Variants in PARP12 observed in about 807,000 individuals in gnomAD.
The protein encoded by PARP12 is poly(ADP-ribose) polymerase family member 12, also known as protein mono-ADP-ribosyltransferase PARP12.
In PARP12, 59 loss-of-function variants were observed where a neutral mutation model predicts 72.4. The ratio of observed to expected loss-of-function variants is 0.81; its 90% confidence interval spans 0.66 to 1.01. The LOEUF (loss-of-function observed/expected upper bound fraction) is 1.01, where lower values mean the gene tolerates loss of function less well. Among genes scored for constraint, PARP12 ranks in the 50% least tolerant of loss-of-function variants. The pLI is 0.00. For missense variants in PARP12, 851 were observed against 914.0 expected, an observed-to-expected ratio of 0.93 and a Z score of 0.89; for synonymous variants, 403 against 371.4, an observed-to-expected ratio of 1.09 and a Z score of -0.98.
chr7:140,046,713 T>C (rs879107570), intron 5 of PARP12, among the ~76,000 whole-genome samples, 171 bp downstream of exon 5: 72 of 139,956 alleles, frequency 5.1e-4, no homozygotes, highest in African/African-American at 2.0e-3. Flanking sequence ...CCAGACTAGG[T>C]GGCTCACAGT....
rs1816487746 is a variant in PARP12, at chr7:140,041,848, G to GA, written c.987-10dup. The GA allele has an allele frequency of 1.2e-6, 2 of 1,603,580 alleles. No individual in the cohort carries two copies. The highest frequency in any genetic ancestry group is 2.2e-5 in the East Asian group (1 of 44,738). On this transcript the variant is annotated splice_polypyrimidine_tract_variant and intron_variant, in intron 5 of 11. Coordinates refer to ENST00000263549, the MANE Select transcript of PARP12 (RefSeq NM_022750.4). ...ACTCAGAGCACAGGATCCTACAGAAGAAAAACAGCAGCAGACTGAAAATCC... is the reference window on the plus strand; with the variant it reads ...ACTCAGAGCACAGGATCCTACAGAAGAAAAAACAGCAGCAGACTGAAAATCC...
At chr7:140,035,540 G>A (rs1001817213) in intron 7 of PARP12, among the ~76,000 whole-genome samples, 13 of 152,170 alleles carry the variant, frequency 8.5e-5, no homozygotes, top group Admixed American at 4.6e-4. Context: ...ATTCTGCCCC[G>A]TCAGACACCA....
At position 140,062,926 on chromosome 7, in the gene PARP12, G is replaced by A. The variant is rs1817538920; in HGVS notation, c.-79C>T. The A allele has an allele frequency of 5.3e-6, 6 of 1,139,510 alleles. No homozygotes were observed. The highest frequency in any genetic ancestry group is 6.6e-6 in the Non-Finnish European group (6 of 911,950). The allele number at this position is 1,139,510 out of a possible 1,614,324, so 70.6% of individuals were successfully genotyped here. A position where few individuals can be genotyped will look rare whatever the true frequency, so the allele number is the denominator to read the frequency against. ...GGACGCTGGCTGGCGGGCGGCTCTC[G>A]CAGGGTGGAGACGCCGGCGGGAAAC... On this transcript the variant is annotated 5_prime_UTR_variant, in exon 1 of 12. Coordinates refer to ENST00000263549, the MANE Select transcript of PARP12 (RefSeq NM_022750.4).
chr7:140,052,633 T>C (rs1004425251), intron 4 of PARP12, among the ~76,000 whole-genome samples: 3 of 152,176 alleles, frequency 2.0e-5, no homozygotes, highest in African/African-American at 7.2e-5. Flanking sequence ...AGATATGTTA[T>C]TACAAGTTAG....
chr7:140,042,981 G>T (rs1309069605), intron 5 of PARP12, among the ~76,000 whole-genome samples: 2 of 152,162 alleles, frequency 1.3e-5, no homozygotes, highest in Non-Finnish European at 2.9e-5. Flanking sequence ...GGATCATGAG[G>T]TCAGGAGATC....
At chr7:140,026,769 G>A (rs1200775692) in intron 10 of PARP12, among the ~76,000 whole-genome samples, 1 of 152,088 alleles carries the variant, frequency 6.6e-6, no homozygotes, top group Non-Finnish European at 1.5e-5. Flanking sequence ...ACTGTGCACA[G>A]AGTACACATT....
intron 5 of PARP12, among the ~76,000 whole-genome samples, chr7:140,043,066 C>T (rs1394363485): frequency 2.6e-5 from 4 of 152,126 alleles, no homozygotes; most frequent in African/African-American, 7.2e-5. Context: ...TGGTGGCGGG[C>T]ACCTGTAGTC....
intron 1 of PARP12, among the ~76,000 whole-genome samples, chr7:140,058,543 G>A (rs1026562344): frequency 1.3e-5 from 2 of 151,850 alleles, no homozygotes; most frequent in African/African-American, 4.8e-5. Context: ...CACACACAGA[G>A]GGAAGACCAT....
chr7:140,055,490 T>C (rs1817142009), intron 3 of PARP12, among the ~76,000 whole-genome samples: 1 of 152,208 alleles, frequency 6.6e-6, no homozygotes, highest in South Asian at 2.1e-4. Context: ...AATGAGCACA[T>C]AAAATTAATT....
In PARP12 at chr7:140,062,665, G is replaced by T. The variant is rs1323555599; in HGVS notation, c.183C>A (p.Ala61=). The T allele has an allele frequency of 1.5e-6, 2 of 1,292,784 alleles. No individual in the cohort carries two copies. The highest frequency in any genetic ancestry group is 2.0e-6 in the Non-Finnish European group (2 of 1,023,676). The allele number at this position is 1,292,784 out of a possible 1,614,324, so 80.1% of individuals were successfully genotyped here. The change falls in exon 1 of 12, where the codon GCC becomes GCA. Residue 61 remains alanine, a synonymous_variant. Transcript: ENST00000263549. ...AGGCGGCCAGCACCACGCGCTCCGG[G>T]GCCGCGGCTGCGCCGCCCGCCCGCA... The part of the protein sequence containing the change: ...VAVRAGGAAA[A]PERVVLAASP...
chr7:140,037,228 G>A (rs886957390), intron 7 of PARP12, among the ~76,000 whole-genome samples: 4 of 152,234 alleles, frequency 2.6e-5, no homozygotes, highest in Non-Finnish European at 5.9e-5. Flanking sequence ...GGAGGCTGAA[G>A]CACGAGAATC....
chr7:140,030,176 G>A (rs1009689314), intron 8 of PARP12, among the ~76,000 whole-genome samples: 47 of 152,162 alleles, frequency 3.1e-4, no homozygotes, highest in African/African-American at 9.4e-4. Context: ...AGACCAACAG[G>A]CAATTTCTCA....
chr7:140,040,610 G>A (rs1816423978), intron 6 of PARP12, among the ~76,000 whole-genome samples: 1 of 152,202 alleles, frequency 6.6e-6, no homozygotes, highest in Admixed American at 6.5e-5. Context: ...TGCCCTCATG[G>A]AGCTTACATT....
At chr7:140,054,268 C>T (rs1209899810) in intron 4 of PARP12, among the ~76,000 whole-genome samples, 1 of 152,172 alleles carries the variant, frequency 6.6e-6, no homozygotes, top group Non-Finnish European at 1.5e-5. Flanking sequence ...CAAGTGTTTC[C>T]TTCGCAGTGA....
At position 140,024,503 on chromosome 7, in the gene PARP12, G is replaced by A; in HGVS notation, c.*57C>T. 2.6e-6 allele frequency: 4 copies of A among 1,553,390 alleles called. No homozygotes were observed. The highest frequency in any genetic ancestry group is 3.5e-6 in the Non-Finnish European group (4 of 1,129,044). On this transcript the variant is annotated 3_prime_UTR_variant, in exon 12 of 12. Transcript: ENST00000263549. The stretch of plus-strand genomic sequence containing the variant: ...TTTCTGTTTAAAAAGAAAAGGAAAG[G>A]CCCAAATAGCCATTTCAAGGCAGAG...
intron 5 of PARP12, 51 bp downstream of exon 5, chr7:140,046,833 T>TGTGTGTGTGTGTGTGTGTGTGTGTCA (rs1554514730): frequency 1.6e-5 from 19 of 1,188,206 alleles, no homozygotes; most frequent in East Asian, 1.2e-4. Flanking sequence ...TGTGTGTGTG[T>TGTGTGTGTGTGTGTGTGTGTGTGTCA]CACACACAGA....
chr7:140,059,425 T>C (rs1366793679), intron 1 of PARP12, among the ~76,000 whole-genome samples: 5 of 150,094 alleles, frequency 3.3e-5, no homozygotes, highest in Admixed American at 3.3e-4. Flanking sequence ...GCTCTCTTCC[T>C]CCATTCTTTC....
Position 140,046,896 on chromosome 7 carries a change from G to C in PARP12, c.974C>G (p.Pro325Arg). 1 of 1,613,080 alleles carries C rather than the reference G, an allele frequency of 6.2e-7. No homozygotes were observed. Among genetic ancestry groups the C allele is most frequent in the African/African-American group, 1.3e-5 (1 of 74,850 alleles). Residue 325 changes from proline (P) to arginine (R), a missense_variant, in exon 5 of 12, where the codon CCC (proline) becomes CGC (arginine). By Grantham distance (103) the Pro-to-Arg change is moderately radical (BLOSUM62 -2). This residue lies in a region of PARP12 where 492 missense variants were observed against 489.3 expected (regional missense o/e 1.01). Coordinates refer to ENST00000263549, the MANE Select transcript of PARP12 (RefSeq NM_022750.4). ...ACATATTTCCTACCTTTCTATTTTG[G>C]GATTGCAATATGCCTCTTCAATAAG... Reference protein sequence around the residue: ...MELIEEAYCNPKIERILCSES... With the variant: ...MELIEEAYCNRKIERILCSES...
chr7:140,042,893 C>G (rs1406803220), intron 5 of PARP12, among the ~76,000 whole-genome samples: 1 of 152,150 alleles, frequency 6.6e-6, no homozygotes, highest in South Asian at 2.1e-4. Context: ...ACCTTCAACT[C>G]AGGCCTCAAA....
Sources: gnomAD v4.1 joint callset for allele counts (sites outside exome capture counted in the v4.1 genomes callset) on GRCh38, gnomAD v4.1.1 for gene constraint, gnomAD v4.1.1 regional missense constraint, MANE v1.5 for transcripts, NCBI Gene and HGNC (gene_info 2026-07-23, HGNC 2026-07-21) for gene names.